The following SORCS3 variants were observed in gnomAD, a reference collection of about 807,000 sequenced individuals.
SORCS3 encodes the protein VPS10 domain-containing receptor SorCS3.
In SORCS3, 57 loss-of-function variants were observed where a neutral mutation model predicts 146.3. The observed-to-expected ratio is 0.39, with a 90% CI of 0.31 to 0.49. The LOEUF (loss-of-function observed/expected upper bound fraction) is 0.49, where lower values mean the gene tolerates loss of function less well. Among genes scored for constraint, SORCS3 ranks in the 20% least tolerant of loss-of-function variants. SORCS3 has a pLI of 0.92. For synonymous variants in SORCS3, 653 were observed against 618.5 expected, an observed-to-expected ratio of 1.06 and a Z score of -0.83; for missense variants, 1,341 against 1,575.5, an observed-to-expected ratio of 0.85 and a Z score of 2.52.
In SORCS3 at chr10:104,641,966, C is replaced by T; in HGVS notation, c.627+12C>T. On this transcript the variant is annotated intron_variant, in intron 1 of 26. Transcript: ENST00000369701. The surrounding 1 kb of genome is among the most constrained non-coding windows in gnomAD (Gnocchi z 6.4). ...GACACAACAGCAGCGTGAGTACCCA[C>T]CCGGCGGCGGGTCCGCCTGTTTCCT... 2 of 1,314,652 alleles carry T rather than the reference C, an allele frequency of 1.5e-6. No homozygotes were observed. Among genetic ancestry groups the T allele is most frequent in the Non-Finnish European group, 2.0e-6 (2 of 1,005,654 alleles). 81.4% of individuals were successfully genotyped at this position (1,314,652 alleles called of 1,614,324 possible). A position where few individuals can be genotyped will look rare whatever the true frequency, so the allele number is the denominator to read the frequency against.
chr10:105,002,893 T>C (rs528176426), intron 4 of SORCS3, among the ~76,000 whole-genome samples: 1 of 152,350 alleles, frequency 6.6e-6, no homozygotes, highest in Non-Finnish European at 1.5e-5. Context: ...AGGAATATCA[T>C]ATAGAGTACT....
chr10:105,146,459 C>T (rs545817028), intron 8 of SORCS3, among the ~76,000 whole-genome samples: 6 of 151,944 alleles, frequency 3.9e-5, no homozygotes, highest in East Asian at 1.9e-4. Flanking sequence ...ATGTAAGTGG[C>T]GGACCGTAAG....
At chr10:105,187,300 A>G (rs2056483908) in intron 14 of SORCS3, among the ~76,000 whole-genome samples, 1 of 152,094 alleles carries the variant, frequency 6.6e-6, no homozygotes, top group South Asian at 2.1e-4. Context: ...TGTAACTAAC[A>G]GTCTCCACTT....
rs564644882 is a variant in SORCS3, at chr10:105,132,392, A to G, written c.1213-7005A>G. On this transcript the variant is annotated intron_variant, in intron 7 of 26. Coordinates refer to ENST00000369701, the MANE Select transcript of SORCS3 (RefSeq NM_014978.3). ...CCCAATATAGAATATAAACTCAAAA[A>G]TATTTGCTTCTGACTCTCTTCTAAG... is the stretch of plus-strand genomic sequence containing the variant. Among the ~76,000 whole-genome samples the G allele has an allele frequency of 9.8e-5, 15 of 152,286 alleles. No individual in the cohort carries two copies. The South Asian group carries it at 2.7e-3, about 27-fold the overall frequency.
At chr10:104,786,019 A>C (rs1488583341) in intron 1 of SORCS3, among the ~76,000 whole-genome samples, 1 of 152,166 alleles carries the variant, frequency 6.6e-6, no homozygotes, top group African/African-American at 2.4e-5. Flanking sequence ...ATCTATACTG[A>C]ATATCAACAT....
intron 1 of SORCS3, among the ~76,000 whole-genome samples, chr10:104,772,950 C>T (rs986026037): frequency 2.6e-5 from 4 of 152,204 alleles, no homozygotes; most frequent in East Asian, 1.9e-4. Context: ...GGGAGGAAGA[C>T]ATATTCAGTA....
intron 1 of SORCS3, among the ~76,000 whole-genome samples, chr10:104,805,823 C>G (rs1185933318): frequency 5.9e-5 from 9 of 152,188 alleles, no homozygotes; most frequent in Non-Finnish European, 1.3e-4. Flanking sequence ...ACCTCACACT[C>G]TCTACCCTTG....
chr10:104,821,448 C>T (rs77284790), intron 1 of SORCS3, among the ~76,000 whole-genome samples: 3,044 of 152,178 alleles, frequency 0.02, 76 homozygotes, highest in African/African-American at 0.057. Context: ...CTGGGGACAC[C>T]GGTGAGGGTT....
intron 7 of SORCS3, among the ~76,000 whole-genome samples, chr10:105,127,237 C>T (rs891396249): frequency 6.6e-6 from 1 of 152,028 alleles, no homozygotes; most frequent in African/African-American, 2.4e-5. Flanking sequence ...CTTTTATAGC[C>T]CCTGATTTTC....
chr10:104,692,774 A>G (rs145708915), intron 1 of SORCS3, among the ~76,000 whole-genome samples: 1 of 152,316 alleles, frequency 6.6e-6, no homozygotes, highest in Admixed American at 6.5e-5. Flanking sequence ...CTGGTGGTCT[A>G]GGCTATAAAG....
At chr10:104,872,779 T>G (rs2018532294) in intron 2 of SORCS3, among the ~76,000 whole-genome samples, 1 of 152,110 alleles carries the variant, frequency 6.6e-6, no homozygotes, top group Non-Finnish European at 1.5e-5. Context: ...CAAATGTGCA[T>G]GCTCATGTCC....
At chr10:105,242,726 T>G (rs1291995249) in intron 20 of SORCS3, among the ~76,000 whole-genome samples, 1 of 105,152 alleles carries the variant, frequency 9.5e-6, no homozygotes, top group African/African-American at 4.0e-5. Context: ...TTATATACAT[T>G]TATATATATT....
At position 104,993,792 on chromosome 10, in the gene SORCS3, T is replaced by A. The variant is rs184758679; in HGVS notation, c.954+16299T>A. The stretch of plus-strand genomic sequence containing the variant: ...TTTGATGCTGAAAATGCCAGTTTAA[T>A]AATCAGGGAAAAAGCTCATTTAATC... On this transcript the variant is annotated intron_variant, in intron 4 of 26. Transcript: ENST00000369701. 4.6e-5 allele frequency among the ~76,000 whole-genome samples: 7 copies of A among 152,288 alleles called. No homozygotes were observed. The East Asian group carries it at 1.4e-3, about 29-fold the overall frequency.
intron 2 of SORCS3, among the ~76,000 whole-genome samples, chr10:104,915,511 G>A (rs1355096961): frequency 2.0e-5 from 3 of 146,884 alleles, no homozygotes; most frequent in African/African-American, 7.5e-5. Context: ...TCCACACAGA[G>A]CTGGGGTGGG....
chr10:105,139,589 C>T, intron 8 of SORCS3, 103 bp downstream of exon 8: 1 of 868,266 alleles, frequency 1.2e-6, no homozygotes, highest in Non-Finnish European at 1.9e-6. Context: ...TTTGGAAGGA[C>T]TGCTGGCATT....
chr10:104,663,123 G>T (rs1026863767), intron 1 of SORCS3, among the ~76,000 whole-genome samples: 2 of 152,032 alleles, frequency 1.3e-5, no homozygotes, highest in African/African-American at 4.8e-5. Context: ...CCCACCTCTT[G>T]CCCGCTCCCT....
intron 1 of SORCS3, among the ~76,000 whole-genome samples, chr10:104,680,827 T>C (rs2015961978): frequency 1.3e-5 from 2 of 152,224 alleles, no homozygotes; most frequent in Non-Finnish European, 2.9e-5. Context: ...TGCGCCCTTG[T>C]GGAGAGTTCT....
intron 3 of SORCS3, among the ~76,000 whole-genome samples, chr10:104,965,248 T>C (rs2054819934): frequency 6.6e-6 from 1 of 152,202 alleles, no homozygotes; most frequent in African/African-American, 2.4e-5. Context: ...CATTGCATTT[T>C]AGAATAGTCA....
intron 1 of SORCS3, among the ~76,000 whole-genome samples, chr10:104,684,126 C>T (rs73330352): frequency 0.011 from 1,715 of 152,220 alleles, 30 homozygotes; most frequent in African/African-American, 0.036. Flanking sequence ...GGCTCTGGCA[C>T]GAGGCACCCC....
Sources: gnomAD v4.1 joint callset for allele counts (sites outside exome capture counted in the v4.1 genomes callset) on GRCh38, gnomAD v4.1.1 for gene constraint, Gnocchi (gnomAD v3.1) non-coding constraint, MANE v1.5 for transcripts, NCBI Gene and HGNC (gene_info 2026-07-23, HGNC 2026-07-21) for gene names.